Variants in PELI1 observed in about 807,000 individuals in gnomAD.
PELI1 encodes E3 ubiquitin-protein ligase pellino homolog 1.
In PELI1, 15 loss-of-function variants were observed where a neutral mutation model predicts 41.3. The ratio of observed to expected loss-of-function variants is 0.36; its 90% confidence interval spans 0.24 to 0.56. The LOEUF (loss-of-function observed/expected upper bound fraction) is 0.56. PELI1 is among the 20% of genes least tolerant of loss of function. The pLI, the probability that PELI1 is intolerant of heterozygous loss-of-function variation, is 0.82. For missense variants in PELI1, 403 were observed against 525.5 expected (o/e 0.77, Z 2.28); for synonymous variants, 178 against 180.1 (o/e 0.99, Z 0.09).
intron 1 of PELI1, among the ~76,000 whole-genome samples, chr2:64,132,859 A>C (rs1300161267): frequency 6.6e-6 from 1 of 152,172 alleles, no homozygotes; most frequent in East Asian, 1.9e-4. Context: ...AAAAATGAAG[A>C]ATCTCAAGCC....
At chr2:64,123,075 C>T (rs979780980) in intron 1 of PELI1, among the ~76,000 whole-genome samples, 2 of 152,178 alleles carry the variant, frequency 1.3e-5, no homozygotes, top group African/African-American at 2.4e-5. Flanking sequence ...CACTAAAGAA[C>T]AGAGCAGTCA....
intron 3 of PELI1, among the ~76,000 whole-genome samples, chr2:64,104,318 T>G (rs1680545238): frequency 6.6e-6 from 1 of 151,218 alleles, no homozygotes; most frequent in Admixed American, 6.6e-5. Context: ...ACACATATTA[T>G]ACATCACATT....
intron 1 of PELI1, among the ~76,000 whole-genome samples, chr2:64,111,803 G>GTTTAGTATATAAACATGTATT (rs1199243167): frequency 5.9e-5 from 9 of 151,986 alleles, no homozygotes; most frequent in Non-Finnish European, 8.8e-5. Context: ...ATGTATTCAT[G>GTTTAGTATATAAACATGTATT]CCCTCTCATT....
chr2:64,105,987 T>C (rs923672076), intron 2 of PELI1, among the ~76,000 whole-genome samples: 12 of 152,250 alleles, frequency 7.9e-5, no homozygotes, highest in South Asian at 2.1e-4. Context: ...ACTCAATGAC[T>C]GCCATATATA....
At position 64,098,648 on chromosome 2, in the gene PELI1, T is replaced by C. The variant is rs557813371; in HGVS notation, c.303+1750A>G. Among the ~76,000 whole-genome samples the C allele has an allele frequency of 7.9e-5, 12 of 152,350 alleles. No homozygotes were observed. The South Asian group carries it at 2.3e-3, about 29-fold the overall frequency. On this transcript the variant is annotated intron_variant, in intron 4 of 6. Coordinates refer to ENST00000358912, the MANE Select transcript of PELI1 (RefSeq NM_020651.4). ...TACAGCACCTAGGCATGTAATCAGC[T>C]TGTAATGTCTCCCTTATGTACTTCA...
chr2:64,126,204 G>C (rs1681378207), intron 1 of PELI1, among the ~76,000 whole-genome samples: 1 of 152,050 alleles, frequency 6.6e-6, no homozygotes, highest in Non-Finnish European at 1.5e-5. Context: ...TCACTCTGTT[G>C]CCAGGCTGGA....
At chr2:64,141,194 T>C (rs1038079555) in intron 1 of PELI1, among the ~76,000 whole-genome samples, 1 of 152,172 alleles carries the variant, frequency 6.6e-6, no homozygotes, top group African/African-American at 2.4e-5. Context: ...AAAAACATCT[T>C]CATCAGGTTT....
chr2:64,138,951 A>G (rs1156632040), intron 1 of PELI1, among the ~76,000 whole-genome samples: 1 of 152,202 alleles, frequency 6.6e-6, no homozygotes, highest in Non-Finnish European at 1.5e-5. Context: ...TATATGGCCA[A>G]TCTTGTTTCA....
chr2:64,142,052 A>T (rs1203358785), intron 1 of PELI1, among the ~76,000 whole-genome samples: 1 of 152,244 alleles, frequency 6.6e-6, no homozygotes, highest in Non-Finnish European at 1.5e-5. Flanking sequence ...GCAAATTTCC[A>T]GCTTACTTTT....
intron 1 of PELI1, among the ~76,000 whole-genome samples, chr2:64,111,138 A>G (rs1261377062): frequency 1.3e-5 from 2 of 152,102 alleles, no homozygotes; most frequent in Non-Finnish European, 2.9e-5. Context: ...CCTACTAGCT[A>G]GCCCATAAAA....
chr2:64,095,960 A>G (rs1680219470), intron 6 of PELI1, among the ~76,000 whole-genome samples, 165 bp downstream of exon 6: 1 of 152,200 alleles, frequency 6.6e-6, no homozygotes, highest in Non-Finnish European at 1.5e-5. Flanking sequence ...GAAATATTAA[A>G]GAGACTGTCC....
Position 64,092,915 on chromosome 2 carries a change from G to C in PELI1, c.*1787C>G, listed in dbSNP as rs1680102740. On this transcript the variant is annotated 3_prime_UTR_variant, in exon 7 of 7. Coordinates refer to ENST00000358912, the MANE Select transcript of PELI1 (RefSeq NM_020651.4). ...TAAATTAATTGCAAATAAAAATTAA[G>C]CTACAATATATAGCCTGAATAAAAA... 6.6e-6 allele frequency: 1 copy of C among 152,154 alleles called. No individual in the cohort carries two copies. Among genetic ancestry groups the C allele is most frequent in the African/African-American group, 2.4e-5 (1 of 41,424 alleles). 9.4% of individuals were successfully genotyped at this position (152,154 alleles called of 1,614,324 possible). A position where few individuals can be genotyped will look rare whatever the true frequency, so the allele number is the denominator to read the frequency against.
intron 1 of PELI1, among the ~76,000 whole-genome samples, chr2:64,131,587 C>A (rs554686020): frequency 6.6e-6 from 1 of 151,588 alleles, no homozygotes; most frequent in African/African-American, 2.4e-5. Flanking sequence ...GGATCCTAAC[C>A]GGCATGTAGA....
At chr2:64,106,525 C>A (rs1414614839) in intron 2 of PELI1, among the ~76,000 whole-genome samples, 1 of 152,142 alleles carries the variant, frequency 6.6e-6, no homozygotes, top group Non-Finnish European at 1.5e-5. Flanking sequence ...GTCATTGATA[C>A]CATTAAAATC....
chr2:64,108,701 C>G (rs1449833169), intron 1 of PELI1, among the ~76,000 whole-genome samples: 9 of 152,138 alleles, frequency 5.9e-5, no homozygotes, highest in Non-Finnish European at 5.9e-5. Flanking sequence ...AGAAGGCAGA[C>G]TAAGTAAGGG....
intron 3 of PELI1, among the ~76,000 whole-genome samples, chr2:64,104,045 G>T (rs1680534669): frequency 6.6e-6 from 1 of 152,160 alleles, no homozygotes. Context: ...TCCAGCTTCT[G>T]GAAATTTTGT....
At chr2:64,101,381 G>A (rs1194491044) in intron 3 of PELI1, among the ~76,000 whole-genome samples, 1 of 151,512 alleles carries the variant, frequency 6.6e-6, no homozygotes, top group Non-Finnish European at 1.5e-5. Context: ...ATTACCAAAG[G>A]AAAGGGATGT....
chr2:64,098,436 C>A (rs1274341421), intron 4 of PELI1, among the ~76,000 whole-genome samples: 2 of 152,240 alleles, frequency 1.3e-5, no homozygotes, highest in Non-Finnish European at 2.9e-5. Flanking sequence ...ATTCGTCAAT[C>A]TTTCACCACA....
rs1680226663 is a variant in PELI1, at chr2:64,096,147, G to A, written c.668C>T (p.Ser223Leu). ...TACCATTTTTCCTCTCTGCTGAGCC[G>A]ATCTGGTTTCACGTAGGCTAAATAC... is the stretch of plus-strand genomic sequence containing the variant. ...GNVFSLRETR[S>L]AQQRGKMVEI... The change falls in exon 6 of 7, where the codon TCG (serine) becomes TTG (leucine). Residue 223 changes from serine to leucine, a missense_variant. By Grantham distance (145) the Ser-to-Leu change is moderately radical. Coordinates refer to ENST00000358912, the MANE Select transcript of PELI1 (RefSeq NM_020651.4). 1.9e-6 allele frequency: 3 copies of A among 1,613,378 alleles called. No homozygotes were observed. Among genetic ancestry groups the A allele is most frequent in the Non-Finnish European group, 2.5e-6 (3 of 1,179,548 alleles).
Sources: gnomAD v4.1 joint callset for allele counts (sites outside exome capture counted in the v4.1 genomes callset) on GRCh38, gnomAD v4.1.1 for gene constraint, MANE v1.5 for transcripts, NCBI Gene and HGNC (gene_info 2026-07-23, HGNC 2026-07-21) for gene names.